Variants in CDK14 observed in about 807,000 individuals in gnomAD.
CDK14 encodes cyclin dependent kinase 14, also known as cyclin-dependent kinase 14.
A neutral mutation model predicts 60.7 loss-of-function variants in CDK14; 34 were observed. That is an observed-to-expected ratio of 0.56 (90% CI 0.43 to 0.75). The LOEUF is 0.75. CDK14 is among the 30% of genes least tolerant of loss of function. The pLI is 0.00. For missense variants in CDK14, 482 were observed against 564.1 expected (o/e 0.85, Z 1.47); for synonymous variants, 197 against 203.7 (o/e 0.97, Z 0.28).
intron 6 of CDK14, among the ~76,000 whole-genome samples, chr7:90,875,236 A>G (rs1188604196): frequency 2.0e-5 from 3 of 152,162 alleles, no homozygotes; most frequent in Non-Finnish European, 4.4e-5. Flanking sequence ...TTGGATATAC[A>G]TTTTATCTAT....
chr7:90,810,409 C>T (rs1189133473), intron 5 of CDK14, among the ~76,000 whole-genome samples: 1 of 152,150 alleles, frequency 6.6e-6, no homozygotes. Flanking sequence ...AGACCTTTGA[C>T]AAAATTCAAC....
intron 2 of CDK14, among the ~76,000 whole-genome samples, chr7:90,675,042 A>G (rs971588555): frequency 4.6e-5 from 7 of 152,358 alleles, no homozygotes; most frequent in South Asian, 4.1e-4. Context: ...GTAGTTGGCT[A>G]TAGTTAAGAC....
At chr7:91,086,681 G>A (rs10258564) in intron 12 of CDK14, among the ~76,000 whole-genome samples, 3,277 of 151,730 alleles carry the variant, frequency 0.022, 118 homozygotes, top group African/African-American at 0.075. Flanking sequence ...GTGTGTGTGT[G>A]TGTATATATC....
chr7:91,108,510 T>C (rs1470261278), intron 12 of CDK14, among the ~76,000 whole-genome samples: 1 of 152,232 alleles, frequency 6.6e-6, no homozygotes, highest in African/African-American at 2.4e-5. Flanking sequence ...TTTAATGTCC[T>C]ACAGAATTTA....
intron 14 of CDK14, among the ~76,000 whole-genome samples, chr7:91,159,184 G>A (rs10235923): frequency 0.51 from 77,768 of 151,496 alleles, 20,104 homozygotes; most frequent in Middle Eastern, 0.58. Flanking sequence ...TATCATGACT[G>A]TGGGATACTG....
intron 5 of CDK14, among the ~76,000 whole-genome samples, chr7:90,820,662 G>C (rs1789513460): frequency 6.6e-6 from 1 of 152,138 alleles, no homozygotes; most frequent in African/African-American, 2.4e-5. Flanking sequence ...TTATAGCAGT[G>C]TGAAAACAGA....
At chr7:91,062,188 A>C (rs183990496) in intron 11 of CDK14, among the ~76,000 whole-genome samples, 4 of 152,078 alleles carry the variant, frequency 2.6e-5, no homozygotes, top group African/African-American at 9.6e-5. Context: ...TGGGCTTAGG[A>C]CCCTCCGAGC....
chr7:91,079,559 G>T, intron 12 of CDK14, 79 bp downstream of exon 12: 1 of 1,023,424 alleles, frequency 9.8e-7, no homozygotes, highest in Non-Finnish European at 1.5e-6. Flanking sequence ...GTTTTTCATG[G>T]CATTGTTGAT....
In CDK14 at chr7:91,144,877, A is replaced by C. The variant is rs576608743; in HGVS notation, c.*28+26669A>C. On this transcript the variant is annotated intron_variant, in intron 14 of 14. Transcript: ENST00000380050. Reference sequence around the variant, plus strand: ...CAACTTCTAGCATTTTGTTGCTACTATGAGACTTTTGGGTTATATCCTTAG... The same window carrying C: ...CAACTTCTAGCATTTTGTTGCTACTCTGAGACTTTTGGGTTATATCCTTAG... Among the ~76,000 whole-genome samples the C allele has an allele frequency of 2.0e-5, 3 of 152,332 alleles. No individual in the cohort carries two copies. In the East Asian group the frequency reaches 5.8e-4, roughly 29 times the overall value.
chr7:90,725,033 T>C (rs937094924), intron 2 of CDK14, among the ~76,000 whole-genome samples: 3 of 152,202 alleles, frequency 2.0e-5, no homozygotes, highest in African/African-American at 7.2e-5. Flanking sequence ...AATATTTTTC[T>C]CATTTGACTT....
intron 5 of CDK14, among the ~76,000 whole-genome samples, chr7:90,830,003 T>G (rs1194399068): frequency 6.6e-6 from 1 of 152,216 alleles, no homozygotes; most frequent in Non-Finnish European, 1.5e-5. Context: ...TGTCTGTGGC[T>G]TTTCCAGGCC....
intron 8 of CDK14, among the ~76,000 whole-genome samples, chr7:90,947,135 G>T (rs1428590313): frequency 2.6e-5 from 4 of 152,204 alleles, no homozygotes; most frequent in African/African-American, 9.7e-5. Flanking sequence ...GACAGCGTCA[G>T]TCATTCTCTC....
chr7:90,986,180 G>C (rs1448382786), intron 10 of CDK14, among the ~76,000 whole-genome samples: 1 of 151,930 alleles, frequency 6.6e-6, no homozygotes, highest in Non-Finnish European at 1.5e-5. Context: ...CATTCTTAAT[G>C]ACTGGGAAGT....
intron 14 of CDK14, among the ~76,000 whole-genome samples, chr7:91,194,062 A>T (rs1353250517): frequency 6.6e-6 from 1 of 152,178 alleles, no homozygotes; most frequent in African/African-American, 2.4e-5. Flanking sequence ...CATCCCAGAG[A>T]GCTAAAGAAG....
chr7:91,008,150 C>CAACAA (rs1412806812), intron 10 of CDK14, among the ~76,000 whole-genome samples: 1,442 of 89,468 alleles, frequency 0.016, 67 homozygotes, highest in African/African-American at 0.055. Flanking sequence ...AAAAAACAAA[C>CAACAA]AAAAAAAAAC....
intron 9 of CDK14, among the ~76,000 whole-genome samples, chr7:90,957,815 C>A (rs1794476328): frequency 6.6e-6 from 1 of 152,080 alleles, no homozygotes; most frequent in Non-Finnish European, 1.5e-5. Context: ...CCCCATCAAG[C>A]TACCAATGAC....
chr7:91,164,958 A>C (rs896955152), intron 14 of CDK14, among the ~76,000 whole-genome samples: 1 of 152,224 alleles, frequency 6.6e-6, no homozygotes, highest in Non-Finnish European at 1.5e-5. Context: ...TGCCACAGAT[A>C]CACATAGAGT....
At chr7:91,169,314 C>T (rs1692235109) in intron 14 of CDK14, among the ~76,000 whole-genome samples, 1 of 152,216 alleles carries the variant, frequency 6.6e-6, no homozygotes, top group South Asian at 2.1e-4. Flanking sequence ...CATGATTTAA[C>T]AGAGCAGCTG....
chr7:91,063,800 G>A (rs1263269829), intron 11 of CDK14, among the ~76,000 whole-genome samples: 2 of 152,116 alleles, frequency 1.3e-5, no homozygotes, highest in African/African-American at 2.4e-5. Flanking sequence ...TATACCATAT[G>A]TCTCCTTCTG....
Sources: gnomAD v4.1 joint callset for allele counts (sites outside exome capture counted in the v4.1 genomes callset) on GRCh38, gnomAD v4.1.1 for gene constraint, MANE v1.5 for transcripts, NCBI Gene and HGNC (gene_info 2026-07-23, HGNC 2026-07-21) for gene names.